The following HDHD5 variants were observed in gnomAD, a reference collection of about 807,000 sequenced individuals.
HDHD5 encodes haloacid dehalogenase-like hydrolase domain-containing 5.
A neutral mutation model predicts 35.5 loss-of-function variants in HDHD5; 34 were observed. That is an observed-to-expected ratio of 0.96 (90% CI 0.73 to 1.28). The LOEUF (loss-of-function observed/expected upper bound fraction) is 1.28, where lower values mean the gene tolerates loss of function less well. Among genes scored for constraint, HDHD5 ranks in the 50% most tolerant of loss-of-function variants. The pLI is 0.00. For missense variants in HDHD5, 589 were observed against 560.2 expected, an observed-to-expected ratio of 1.05 and a Z score of -0.52; for synonymous variants, 248 against 240.6, an observed-to-expected ratio of 1.03 and a Z score of -0.29.
At chr22:17,157,129 T>C (rs2061805929) in intron 1 of HDHD5, among the ~76,000 whole-genome samples, 1 of 125,884 alleles carries the variant, frequency 7.9e-6, no homozygotes, top group Admixed American at 8.1e-5. Context: ...AAAAAAGCTA[T>C]GGAACAATGA....
At position 17,138,244 on chromosome 22, in the gene HDHD5, G is replaced by A; in HGVS notation, c.1049C>T (p.Pro350Leu). 1.2e-6 allele frequency: 2 copies of A among 1,614,186 alleles called. No homozygotes were observed. Among genetic ancestry groups the A allele is most frequent in the South Asian group, 1.1e-5 (1 of 91,084 alleles). The change falls in exon 8 of 8, where the codon CCC becomes CTC. Residue 350 changes from proline (P) to leucine (L), a missense_variant. By Grantham distance (98) the Pro-to-Leu change is moderately conservative (BLOSUM62 -3). Coordinates refer to ENST00000336737, the MANE Select transcript of HDHD5 (RefSeq NM_033070.3). ...GGAGATGCAGCTCTGGCTTGCTGAG[G>A]GCTGTTGCTGCCGTGTGCCCCCGGC... ...LGAGGTRQQQ[P>L]SASQSCISIL...
chr22:17,149,052 T>G (rs1601392587), intron 2 of HDHD5, among the ~76,000 whole-genome samples: 1 of 152,336 alleles, frequency 6.6e-6, no homozygotes, highest in East Asian at 1.9e-4. Flanking sequence ...CCGTCACATT[T>G]TACATGCAAC....
At chr22:17,144,987 A>G in intron 4 of HDHD5, 37 bp downstream of exon 4, 1 of 1,611,782 alleles carries the variant, frequency 6.2e-7, no homozygotes, top group East Asian at 2.2e-5. Flanking sequence ...GGAGGAGTGA[A>G]GGATGAAGAC....
intron 1 of HDHD5, among the ~76,000 whole-genome samples, chr22:17,154,362 A>C (rs1456677206): frequency 5.1e-5 from 5 of 97,982 alleles, no homozygotes; most frequent in Non-Finnish European, 9.9e-5. Flanking sequence ...CATGCCTGTA[A>C]TCCCAGCTAC....
chr22:17,138,810 T>G (rs184581139), intron 6 of HDHD5, 72 bp from the exon 7 acceptor site: 9 of 1,553,344 alleles, frequency 5.8e-6, no homozygotes, highest in Non-Finnish European at 8.8e-7. Flanking sequence ...CGACTGCCAC[T>G]GTCTAAGCAG....
chr22:17,155,689 C>T (rs1413002124), intron 1 of HDHD5, among the ~76,000 whole-genome samples: 2 of 152,176 alleles, frequency 1.3e-5, no homozygotes, highest in Admixed American at 6.5e-5. Flanking sequence ...CACAGAGAAC[C>T]AGGCACCCAG....
At position 17,138,563 on chromosome 22, in the gene HDHD5, G is replaced by C. The variant is rs781714076; in HGVS notation, c.922C>G (p.Leu308Val). The C allele has an allele frequency of 1.9e-6, 3 of 1,613,904 alleles. No individual in the cohort carries two copies. The East Asian group carries it at 6.7e-5, about 36-fold the overall frequency. ...AGCAGAGCCTACCCCACAGCATAGA[G>C]CTTCCGGATGGGGGCGGCCCAGCCC... Reference protein sequence around the residue: ...RRGWAAPIRKLYAVGDNPMSD... With the variant: ...RRGWAAPIRKVYAVGDNPMSD... The change falls in exon 7 of 8, where the codon CTC (leucine) becomes GTC (valine). Residue 308 changes from leucine to valine, a missense_variant. Leu to Val is a conservative substitution (Grantham distance 32). Transcript: ENST00000336737.
chr22:17,139,854 G>T (rs1421408627), intron 6 of HDHD5, among the ~76,000 whole-genome samples: 4 of 152,216 alleles, frequency 2.6e-5, no homozygotes, highest in African/African-American at 9.7e-5. Flanking sequence ...ACAAGCATGA[G>T]CCACCACATC....
At chr22:17,163,441 A>G (rs2061875218), upstream of HDHD5, among the ~76,000 whole-genome samples, 1 of 152,084 alleles carries the variant, frequency 6.6e-6, no homozygotes, top group African/African-American at 2.4e-5. Flanking sequence ...CTGCTGACCC[A>G]CTTTAGGAAG....
intron 6 of HDHD5, among the ~76,000 whole-genome samples, chr22:17,140,269 C>A (rs1163620876): frequency 6.6e-6 from 1 of 152,160 alleles, no homozygotes; most frequent in East Asian, 1.9e-4. Flanking sequence ...CAAGTAAGCA[C>A]CCTGAGGCCA....
chr22:17,162,656 C>T (rs4423695), upstream of HDHD5, among the ~76,000 whole-genome samples: 136,465 of 152,316 alleles, frequency 0.9, 61,413 homozygotes, highest in African/African-American at 0.97. Flanking sequence ...TGTGTGTGTA[C>T]GTGATAAGTC....
chr22:17,159,288 C>T (rs531335550), upstream of HDHD5: 32 of 883,754 alleles, frequency 3.6e-5, no homozygotes, highest in South Asian at 6.7e-5. Flanking sequence ...GGCGTGCGGC[C>T]CCCCCCCCCC....
intron 3 of HDHD5, 69 bp from the exon 4 acceptor site, chr22:17,145,186 A>G (rs1325371076): frequency 1.3e-6 from 2 of 1,595,510 alleles, no homozygotes; most frequent in Non-Finnish European, 1.7e-6. Context: ...GCATCAAATC[A>G]CAAGTGAAGG....
chr22:17,164,114 G>C (rs1360387961), upstream of HDHD5, among the ~76,000 whole-genome samples: 1 of 152,046 alleles, frequency 6.6e-6, no homozygotes. Context: ...CCAGCTACTC[G>C]GTAGTCCGAG....
At chr22:17,154,251 G>T (rs2061759768) in intron 1 of HDHD5, among the ~76,000 whole-genome samples, 1 of 151,724 alleles carries the variant, frequency 6.6e-6, no homozygotes, top group Admixed American at 6.5e-5. Context: ...GGCAGGCCGA[G>T]GTGGGCAGAT....
intron 5 of HDHD5, 74 bp from the exon 6 acceptor site, chr22:17,141,307 G>A (rs879871952): frequency 7.3e-6 from 11 of 1,509,822 alleles, no homozygotes; most frequent in South Asian, 1.3e-5. Flanking sequence ...TGCCAGCTAG[G>A]GCTACCCATC....
rs1354936259 is a variant in HDHD5 at position 17,147,634 on chromosome 22, C to T, written c.443+814G>A. Among the ~76,000 whole-genome samples, 68 of 131,972 alleles carry T rather than the reference C, an allele frequency of 5.2e-4. No individual in the cohort carries two copies. In the South Asian group the frequency reaches 6.6e-3, roughly 13 times the overall value. The allele number at this position is 131,972 out of a possible 152,430, so 86.6% of individuals were successfully genotyped here. On this transcript the variant is annotated intron_variant, in intron 3 of 7. Coordinates refer to ENST00000336737, the MANE Select transcript of HDHD5 (RefSeq NM_033070.3). ...GTGAGCTTACCGGCCTTCAATCACA[C>T]GCCATCGCACACGCCCCACACCTGT...
chr22:17,157,341 C>T (rs75487770), intron 1 of HDHD5, among the ~76,000 whole-genome samples: 6,161 of 149,478 alleles, frequency 0.041, 230 homozygotes, highest in South Asian at 0.18. Flanking sequence ...GATCTCCGCT[C>T]ACCGCAACCT....
intron 5 of HDHD5, 104 bp from the exon 6 acceptor site, chr22:17,141,337 G>A: frequency 5.5e-6 from 8 of 1,460,810 alleles, no homozygotes; most frequent in Non-Finnish European, 7.2e-6. Flanking sequence ...TCCACCCATG[G>A]TGCACCCAGC....
Sources: allele counts gnomAD v4.1 joint callset (sites outside exome capture counted in the v4.1 genomes callset), GRCh38; gene constraint gnomAD v4.1.1; transcripts MANE v1.5; gene names NCBI Gene and HGNC (gene_info 2026-07-23, HGNC 2026-07-21).